CEP72: variants seen among roughly 807,000 people sequenced by gnomAD.
CEP72 encodes centrosomal protein 72.
Under a neutral mutation model 65.7 loss-of-function variants are expected in CEP72, and 78 were observed. The ratio of observed to expected loss-of-function variants is 1.19; its 90% CI spans 0.99 to 1.43. The LOEUF (loss-of-function observed/expected upper bound fraction) is 1.43. Among genes scored for constraint, CEP72 ranks in the 40% most tolerant of loss-of-function variants. CEP72 has a pLI of 0.00. For missense variants in CEP72, 914 were observed against 832.9 expected (o/e 1.10, Z -1.20); for synonymous variants, 358 against 351.7 (o/e 1.02, Z -0.20).
intron 10 of CEP72, among the ~76,000 whole-genome samples, chr5:647,277 A>G (rs528332123): frequency 1.6e-4 from 25 of 152,202 alleles, no homozygotes; most frequent in Non-Finnish European, 2.2e-4. Flanking sequence ...GAGCCACTAA[A>G]TAGTATCTCT....
At chr5:626,340 G>A (rs1316342806) in intron 4 of CEP72, among the ~76,000 whole-genome samples, 1 of 152,218 alleles carries the variant, frequency 6.6e-6, no homozygotes, top group Admixed American at 6.5e-5. Context: ...GGTTTCCAGC[G>A]CAGCCTTGCG....
chr5:664,553 C>T (rs72707011), intron 2 of CEP72: 2,973 of 155,320 alleles, frequency 0.019, 39 homozygotes, highest in Non-Finnish European at 0.03. Context: ...AGCACCCCCG[C>T]CAGGTGGCCT....
At chr5:648,050 G>A in intron 11 of CEP72, 134 bp downstream of exon 11, 3 of 616,402 alleles carry the variant, frequency 4.9e-6, no homozygotes, top group South Asian at 4.0e-5. Context: ...TGATATCCAG[G>A]ACCACTGCTG....
intron 7 of CEP72, among the ~76,000 whole-genome samples, 177 bp downstream of exon 7, chr5:637,995 T>C (rs1253383734): frequency 6.6e-6 from 1 of 152,046 alleles, no homozygotes; most frequent in Non-Finnish European, 1.5e-5. Flanking sequence ...CCCTCCCTGA[T>C]GCGGGGCTGT....
In CEP72 at chr5:639,234, G is replaced by C. The variant is rs774581549; in HGVS notation, c.1342+10G>C. On this transcript the variant is annotated intron_variant, in intron 8 of 11. Coordinates refer to ENST00000264935, the MANE Select transcript of CEP72 (RefSeq NM_018140.4). Reference sequence around the variant, plus strand: ...AACGAGGCATTCCTTGGTGAGTCAGGGCGGCCACTGCTCTTGCCCTGTAGG... The same window carrying C: ...AACGAGGCATTCCTTGGTGAGTCAGCGCGGCCACTGCTCTTGCCCTGTAGG... 1 of 1,561,284 alleles carries C rather than the reference G, an allele frequency of 6.4e-7. No homozygotes were observed. The highest frequency in any genetic ancestry group is 1.2e-5 in the South Asian group (1 of 84,772).
At chr5:614,557 T>C (rs1179936988) in intron 1 of CEP72, among the ~76,000 whole-genome samples, 1 of 150,662 alleles carries the variant, frequency 6.6e-6, no homozygotes, top group Non-Finnish European at 1.5e-5. Flanking sequence ...CATGCCATTC[T>C]CCTGCCTCAG....
the CEP72 span, among the ~76,000 whole-genome samples, chr5:672,610 G>C: frequency 3.2e-4 from 49 of 152,216 alleles, no homozygotes; most frequent in Non-Finnish European, 6.0e-4. Context: ...TGCAGTTGGG[G>C]AGGCAGCAGC....
chr5:642,752 A>G (rs1278774839), intron 9 of CEP72: 13 of 985,364 alleles, frequency 1.3e-5, no homozygotes, highest in Non-Finnish European at 1.6e-5. Flanking sequence ...GGTAAGGAGC[A>G]GTCAGCACCG....
Position 639,090 on chromosome 5 carries a change from C to G in CEP72, c.1208C>G (p.Pro403Arg). The G allele has an allele frequency of 2.5e-6, 4 of 1,613,312 alleles. No homozygotes were observed. Among genetic ancestry groups the G allele is most frequent in the Non-Finnish European group, 2.5e-6 (3 of 1,179,874 alleles). The change falls in exon 8 of 12, where the codon CCG (proline) becomes CGG (arginine). Residue 403 changes from proline to arginine, a missense_variant and splice_region_variant. Pro to Arg is a moderately radical substitution (Grantham distance 103). Coordinates refer to ENST00000264935, the MANE Select transcript of CEP72 (RefSeq NM_018140.4). ...RSRGVTDTREPSPGSHSALPG... is the reference protein window; with the variant it reads ...RSRGVTDTRERSPGSHSALPG... The stretch of plus-strand genomic sequence containing the variant: ...CTCATGCTGTTGTTTCCATCACAGC[C>G]GTCTCCCGGGTCACACTCGGCTCTA...
At chr5:652,709 A>C (rs1580047613) in intron 11 of CEP72, among the ~76,000 whole-genome samples, 1 of 152,380 alleles carries the variant, frequency 6.6e-6, no homozygotes, top group East Asian at 1.9e-4. Context: ...GGCGCCATTC[A>C]GTCACTCATT....
rs1362879607 is a variant in CEP72 at position 637,585 on chromosome 5, C to A, written c.973C>A (p.Pro325Thr). The A allele has an allele frequency of 6.2e-7, 1 of 1,614,024 alleles. No individual in the cohort carries two copies. The highest frequency in any genetic ancestry group is 8.5e-7 in the Non-Finnish European group (1 of 1,180,028). ...LDLSGEMVPG[P>T]LPAPGKCRKR... ...TTTGTCAGGAGAAATGGTGCCTGGTCCCCTGCCAGCCCCCGGAAAGTGCAG... is the reference window on the plus strand; with the variant it reads ...TTTGTCAGGAGAAATGGTGCCTGGTACCCTGCCAGCCCCCGGAAAGTGCAG... Residue 325 changes from proline (P) to threonine (T), a missense_variant, in exon 7 of 12, where the codon CCC becomes ACC. Coordinates refer to ENST00000264935, the MANE Select transcript of CEP72 (RefSeq NM_018140.4).
intron 8 of CEP72, among the ~76,000 whole-genome samples, chr5:639,635 G>C (rs1235850601): frequency 6.6e-6 from 1 of 152,198 alleles, no homozygotes; most frequent in East Asian, 1.9e-4. Context: ...GGTTGGTGTG[G>C]GACCCAGGAG....
chr5:665,034 A>G (rs1739835286), intron 2 of CEP72: 1 of 1,536,200 alleles, frequency 6.5e-7, no homozygotes, highest in Non-Finnish European at 8.8e-7. Context: ...CAGGAATGTA[A>G]TGAAGTGCGA....
intron 1 of CEP72, among the ~76,000 whole-genome samples, chr5:613,185 G>A (rs1267460347): frequency 6.6e-6 from 1 of 152,206 alleles, no homozygotes; most frequent in East Asian, 1.9e-4. Context: ...GTGTTCTGTT[G>A]TTAGCCTGTT....
intron 3 of CEP72, among the ~76,000 whole-genome samples, chr5:621,692 G>A (rs755414345): frequency 1.2e-4 from 19 of 152,254 alleles, no homozygotes; most frequent in African/African-American, 4.6e-4. Flanking sequence ...ATGCGGGGCC[G>A]TGTCACCTCA....
chr5:669,637 C>T (rs1740123576), downstream of CEP72, among the ~76,000 whole-genome samples: 1 of 152,162 alleles, frequency 6.6e-6, no homozygotes, highest in Non-Finnish European at 1.5e-5. Flanking sequence ...AGCCAGGCAC[C>T]ACCAGCATGA....
chr5:628,054 C>T lies in CEP72; in HGVS notation c.512+3475C>T, dbSNP rs151207362. On this transcript the variant is annotated intron_variant, in intron 4 of 11. Transcript: ENST00000264935. ...GTAAGATTACTCTTTATACCACACGCGACTTTTAACCTCTAGATGATGAGA... is the reference window on the plus strand; with the variant it reads ...GTAAGATTACTCTTTATACCACACGTGACTTTTAACCTCTAGATGATGAGA... Among the ~76,000 whole-genome samples the T allele has an allele frequency of 6.3e-3, 954 of 152,318 alleles. 32 individuals are homozygous for T. Among genetic ancestry groups the T allele is most frequent in the Admixed American group, 0.051 (782 of 15,302 alleles).
At chr5:639,413 G>A (rs896874914) in intron 8 of CEP72, among the ~76,000 whole-genome samples, 189 bp downstream of exon 8, 1 of 152,202 alleles carries the variant, frequency 6.6e-6, no homozygotes, top group African/African-American at 2.4e-5. Context: ...CAGGGCTCTC[G>A]GGAGACACCA....
intron 9 of CEP72, chr5:640,875 G>A (rs1579994822): frequency 5.1e-6 from 5 of 985,456 alleles, no homozygotes; most frequent in Non-Finnish European, 6.0e-6. Context: ...GCAGTGCCGG[G>A]TGCTGCAGGA....
Sources: gnomAD v4.1 joint callset for allele counts (sites outside exome capture counted in the v4.1 genomes callset) on GRCh38, gnomAD v4.1.1 for gene constraint, MANE v1.5 for transcripts, NCBI Gene and HGNC (gene_info 2026-07-23, HGNC 2026-07-21) for gene names.